The following VPS13A variants were observed in gnomAD, a reference collection of about 807,000 sequenced individuals.
VPS13A encodes the protein vacuolar protein sorting 13 homolog A.
In VPS13A, 264 loss-of-function variants were observed where a neutral mutation model predicts 390.9. The observed-to-expected ratio is 0.68, with a 90% CI of 0.61 to 0.75. VPS13A has a LOEUF of 0.75. VPS13A is among the 30% of genes least tolerant of loss of function. VPS13A has a pLI of 0.00. For missense variants in VPS13A, 3,409 were observed against 3,733.9 expected (o/e 0.91, Z 2.27); for synonymous variants, 1,231 against 1,227.1 (o/e 1.00, Z -0.07).
rs2131433251 is a variant in VPS13A, at chr9:77,316,397, A to G, written c.4854A>G (p.Lys1618=). ...CPFLPVKRKG[K]ITTVLQPCDL... ...TTCTTCCAGTCAAGAGAAAAGGCAA[A>G]ATCACTACTGTGAGTTAACTATTTG... Residue 1618 remains lysine (K), a synonymous_variant, in exon 39 of 72, where the codon AAA becomes AAG. Transcript: ENST00000360280. The G allele has an allele frequency of 8.1e-6, 13 of 1,611,860 alleles. No homozygotes were observed. Among genetic ancestry groups the G allele is most frequent in the Non-Finnish European group, 1.1e-5 (13 of 1,178,178 alleles).
At chr9:77,323,815 T>G (rs1163036427) in intron 45 of VPS13A, among the ~76,000 whole-genome samples, 2 of 152,206 alleles carry the variant, frequency 1.3e-5, no homozygotes, top group Non-Finnish European at 2.9e-5. Flanking sequence ...TTGACTTTCA[T>G]TCAGAAAAAT....
At chr9:77,232,920 C>T (rs1334720266) in intron 17 of VPS13A, among the ~76,000 whole-genome samples, 2 of 152,056 alleles carry the variant, frequency 1.3e-5, no homozygotes, top group Non-Finnish European at 2.9e-5. Context: ...TTTTTGGTTA[C>T]TGATTTACTC....
At chr9:77,214,534 T>A in intron 10 of VPS13A, 148 bp downstream of exon 10, 1 of 569,762 alleles carries the variant, frequency 1.8e-6, no homozygotes, top group Non-Finnish European at 3.1e-6. Flanking sequence ...AAGCAAATAA[T>A]ATTATATTTT....
At position 77,213,285 on chromosome 9, in the gene VPS13A, T is replaced by G. The variant is rs1287394997; in HGVS notation, c.667T>G (p.Phe223Val). 3.1e-6 allele frequency: 5 copies of G among 1,613,684 alleles called. No individual in the cohort carries two copies. Among genetic ancestry groups the G allele is most frequent in the Admixed American group, 1.7e-5 (1 of 60,002 alleles). ...FAYWNVKSQMFYLSDYDNSLD... is the reference protein window; with the variant it reads ...FAYWNVKSQMVYLSDYDNSLD... ...CTATTGGAATGTGAAGTCTCAGATGTTTTATCTTAGTGATTATGATAACTC... is the reference window on the plus strand; with the variant it reads ...CTATTGGAATGTGAAGTCTCAGATGGTTTATCTTAGTGATTATGATAACTC... The change falls in exon 9 of 72, where the codon TTT becomes GTT. Residue 223 changes from phenylalanine (F) to valine (V), a missense_variant. This residue lies in a region of VPS13A where 2,717 missense variants were observed against 2,917.4 expected (regional missense o/e 0.93). Transcript: ENST00000360280.
chr9:77,414,633 A>G (rs1040899086), intron 71 of VPS13A, among the ~76,000 whole-genome samples: 3 of 152,030 alleles, frequency 2.0e-5, no homozygotes, highest in African/African-American at 7.2e-5. Context: ...AGATATACCT[A>G]ATGTTAAATG....
At chr9:77,217,022 A>G (rs10869913) in intron 10 of VPS13A, among the ~76,000 whole-genome samples, 29,904 of 152,054 alleles carry the variant, frequency 0.2, 3,779 homozygotes, top group East Asian at 0.4. Flanking sequence ...TCAAATGTTA[A>G]TCTTCTTTGG....
chr9:77,238,739 A>G (rs1443036793), intron 19 of VPS13A, among the ~76,000 whole-genome samples: 4 of 152,152 alleles, frequency 2.6e-5, no homozygotes, highest in Non-Finnish European at 4.4e-5. Flanking sequence ...ATCCTTTTTT[A>G]TTCTCTAGGA....
At chr9:77,295,922 G>A (rs1827969898) in intron 33 of VPS13A, 76 bp downstream of exon 33, 1 of 1,426,776 alleles carries the variant, frequency 7.0e-7, no homozygotes, top group Non-Finnish European at 9.7e-7. Flanking sequence ...GTCTTGAGTA[G>A]TCTGTTTACA....
At chr9:77,287,274 C>T (rs1827390453) in intron 31 of VPS13A, among the ~76,000 whole-genome samples, 1 of 151,316 alleles carries the variant, frequency 6.6e-6, no homozygotes, top group Non-Finnish European at 1.5e-5. Context: ...AATCACAGCT[C>T]ACTGCAGCCT....
chr9:77,387,083 G>GTATTAA (rs1277967918), intron 68 of VPS13A, among the ~76,000 whole-genome samples: 2 of 151,078 alleles, frequency 1.3e-5, no homozygotes, highest in Non-Finnish European at 2.9e-5. Flanking sequence ...TTGAGGACAG[G>GTATTAA]TATTAATTGT....
chr9:77,367,933 GA>G (rs1196475899), intron 61 of VPS13A, 121 bp from the exon 62 acceptor site: 2 of 915,470 alleles, frequency 2.2e-6, no homozygotes, highest in Non-Finnish European at 1.7e-6. Flanking sequence ...ATTGGCATGG[GA>G]AAATGTACTA....
chr9:77,265,405 G>A lies in VPS13A; in HGVS notation c.2427+5181G>A, dbSNP rs151330951. On this transcript the variant is annotated intron_variant, in intron 23 of 71. Coordinates refer to ENST00000360280, the MANE Select transcript of VPS13A (RefSeq NM_033305.3). Reference sequence around the variant, plus strand: ...CCTCTTTGTGCCTCTGGTAGAATTCGGCTTTGAATCTATCTGGTCGTGGGC... The same window carrying A: ...CCTCTTTGTGCCTCTGGTAGAATTCAGCTTTGAATCTATCTGGTCGTGGGC... Among the ~76,000 whole-genome samples the A allele has an allele frequency of 6.5e-3, 982 of 152,202 alleles. 11 individuals carry two copies. The highest frequency in any genetic ancestry group is 0.023 in the African/African-American group (940 of 41,510).
intron 45 of VPS13A, among the ~76,000 whole-genome samples, chr9:77,326,341 TTC>T (rs1329423805): frequency 2.6e-5 from 4 of 152,230 alleles, no homozygotes; most frequent in African/African-American, 9.6e-5. Flanking sequence ...CTAAAATTTT[TTC>T]TGTCTTTGCC....
intron 31 of VPS13A, among the ~76,000 whole-genome samples, chr9:77,289,049 GTCTA>G (rs534283140): frequency 1.6e-3 from 246 of 152,228 alleles, no homozygotes; most frequent in Admixed American, 2.7e-3. Flanking sequence ...GGTTTGAATG[GTCTA>G]TCTTTTTCTG....
chr9:77,202,846 GGT>G (rs1485896938), intron 3 of VPS13A, among the ~76,000 whole-genome samples: 3 of 152,104 alleles, frequency 2.0e-5, no homozygotes, highest in Admixed American at 2.0e-4. Flanking sequence ...AGTCATTTAA[GGT>G]GTTGTGTACC....
At chr9:77,210,272 G>A (rs945292311) in intron 6 of VPS13A, among the ~76,000 whole-genome samples, 4 of 115,618 alleles carry the variant, frequency 3.5e-5, no homozygotes, top group Non-Finnish European at 5.1e-5. Flanking sequence ...TCACACTGTC[G>A]CCAGGCTGGA....
chr9:77,180,750 G>A (rs1453510375), intron 1 of VPS13A, among the ~76,000 whole-genome samples: 1 of 152,086 alleles, frequency 6.6e-6, no homozygotes, highest in Admixed American at 6.5e-5. Context: ...ACTTAATATT[G>A]TGTGGCTTTA....
chr9:77,270,088 A>T (rs904001150), intron 23 of VPS13A, among the ~76,000 whole-genome samples: 2 of 152,198 alleles, frequency 1.3e-5, no homozygotes, highest in African/African-American at 4.8e-5. Context: ...TTGTTATGGC[A>T]GCTCTGGCAA....
chr9:77,318,230 T>G lies in VPS13A; in HGVS notation c.4957-5T>G. 1 of 1,569,400 alleles carries G rather than the reference T, an allele frequency of 6.4e-7. No homozygotes were observed. Among genetic ancestry groups the G allele is most frequent in the Non-Finnish European group, 8.7e-7 (1 of 1,151,072 alleles). On this transcript the variant is annotated splice_region_variant and splice_polypyrimidine_tract_variant and intron_variant, in intron 40 of 71. Coordinates refer to ENST00000360280, the MANE Select transcript of VPS13A (RefSeq NM_033305.3). The stretch of plus-strand genomic sequence containing the variant: ...GTATAGACTTATTAATTTTTTTCCA[T>G]TTAGGTTTCACCAGTTATTATAAAT...
Sources: gnomAD v4.1 joint callset for allele counts (sites outside exome capture counted in the v4.1 genomes callset) on GRCh38, gnomAD v4.1.1 for gene constraint, gnomAD v4.1.1 regional missense constraint, MANE v1.5 for transcripts, NCBI Gene and HGNC (gene_info 2026-07-23, HGNC 2026-07-21) for gene names.